Variants in NOL4 observed in about 807,000 individuals in gnomAD.
NOL4 encodes nucleolar protein 4.
A neutral mutation model predicts 75.9 loss-of-function variants in NOL4; 17 were observed. The observed-to-expected ratio is 0.22, with a 90% CI of 0.15 to 0.34. The LOEUF is 0.34. NOL4 is among the 10% of genes least tolerant of loss of function. The pLI is 1.00. For synonymous variants in NOL4, 292 were observed against 289.9 expected (o/e 1.01, Z -0.07); for missense variants, 614 against 793.5 (o/e 0.77, Z 2.72).
chr18:34,223,480 A>G lies in NOL4; in HGVS notation c.-227T>C. 1 of 599,022 alleles carries G rather than the reference A, an allele frequency of 1.7e-6. No individual in the cohort carries two copies. The highest frequency in any genetic ancestry group is 2.9e-6 in the Non-Finnish European group (1 of 343,764). 37.1% of individuals were successfully genotyped at this position (599,022 alleles called of 1,614,324 possible). On this transcript the variant is annotated 5_prime_UTR_variant, in exon 1 of 11. Coordinates refer to ENST00000261592, the MANE Select transcript of NOL4 (RefSeq NM_003787.5). Reference sequence around the variant, plus strand: ...CAAGTCTGGTCCATTCGTAATTGCAACGGCTGTCTCGGACGTTTTTCCTGT... The same window carrying G: ...CAAGTCTGGTCCATTCGTAATTGCAGCGGCTGTCTCGGACGTTTTTCCTGT...
chr18:34,170,483 C>T (rs1403138441), intron 1 of NOL4, among the ~76,000 whole-genome samples: 3 of 152,220 alleles, frequency 2.0e-5, no homozygotes, highest in Admixed American at 6.5e-5. Context: ...TGAGCCACCA[C>T]GCCCGGATGA....
At chr18:34,167,929 T>C (rs1036063010) in intron 1 of NOL4, among the ~76,000 whole-genome samples, 1 of 152,108 alleles carries the variant, frequency 6.6e-6, no homozygotes, top group Non-Finnish European at 1.5e-5. Context: ...CATCCATTTT[T>C]CAGTGCACTA....
intron 10 of NOL4, among the ~76,000 whole-genome samples, chr18:33,872,218 T>C (rs1441087347): frequency 1.3e-5 from 2 of 152,002 alleles, no homozygotes; most frequent in African/African-American, 4.8e-5. Flanking sequence ...CCTTAAACAT[T>C]ACACAGTTTC....
At chr18:34,110,816 T>C (rs2079551238) in intron 2 of NOL4, among the ~76,000 whole-genome samples, 1 of 151,988 alleles carries the variant, frequency 6.6e-6, no homozygotes, top group African/African-American at 2.4e-5. Flanking sequence ...TTAGAACTTA[T>C]AAACAAATCC....
At chr18:34,158,061 T>TAGTA (rs1600748299) in intron 1 of NOL4, among the ~76,000 whole-genome samples, 1 of 152,086 alleles carries the variant, frequency 6.6e-6, no homozygotes, top group Non-Finnish European at 1.5e-5. Context: ...TCTAAAGAGG[T>TAGTA]AGTATCAAAG....
chr18:34,149,286 G>A (rs2081543320), intron 1 of NOL4, among the ~76,000 whole-genome samples: 1 of 151,614 alleles, frequency 6.6e-6, no homozygotes, highest in African/African-American at 2.4e-5. Context: ...TGTAATACAT[G>A]AGTATATTGG....
intron 10 of NOL4, among the ~76,000 whole-genome samples, chr18:33,869,135 GATA>G (rs2063573607): frequency 6.6e-6 from 1 of 151,644 alleles, no homozygotes; most frequent in African/African-American, 2.4e-5. Flanking sequence ...ACTGTAAGTA[GATA>G]ATAATTATAA....
intron 2 of NOL4, among the ~76,000 whole-genome samples, chr18:34,108,324 G>A (rs555757179): frequency 1.3e-5 from 2 of 152,060 alleles, no homozygotes; most frequent in Non-Finnish European, 2.9e-5. Flanking sequence ...TTAGTAAAAT[G>A]GCAGTAGTAA....
At chr18:34,216,634 T>A (rs114936034) in intron 1 of NOL4, among the ~76,000 whole-genome samples, 1 of 145,472 alleles carries the variant, frequency 6.9e-6, no homozygotes, top group Non-Finnish European at 1.5e-5. Flanking sequence ...TAAATTATAA[T>A]ATATAATAAG....
At chr18:33,894,791 G>A (rs2065298931) in intron 9 of NOL4, among the ~76,000 whole-genome samples, 1 of 152,102 alleles carries the variant, frequency 6.6e-6, no homozygotes, top group South Asian at 2.1e-4. Context: ...GAGAAGTAGA[G>A]AGTAGAATTA....
At chr18:33,924,951 G>A (rs1052360590) in intron 9 of NOL4, among the ~76,000 whole-genome samples, 2 of 152,140 alleles carry the variant, frequency 1.3e-5, no homozygotes, top group African/African-American at 4.8e-5. Flanking sequence ...TAGGACAGCT[G>A]TGCCACTCTC....
At position 33,852,414 on chromosome 18, in the gene NOL4, A is replaced by C. The variant is rs2062663236; in HGVS notation, c.*428T>G. 6.6e-6 allele frequency: 1 copy of C among 152,426 alleles called. No individual in the cohort carries two copies. Among genetic ancestry groups the C allele is most frequent in the Admixed American group, 6.6e-5 (1 of 15,116 alleles). The allele number at this position is 152,426 out of a possible 1,614,324, so 9.4% of individuals were successfully genotyped here. ...ATTGTTGTTATATCCTGTAGCAACA[A>C]GAAATTTGGCTTTTTTTTTTCTTTT... is the stretch of plus-strand genomic sequence containing the variant. On this transcript the variant is annotated 3_prime_UTR_variant, in exon 11 of 11. Transcript: ENST00000261592.
rs34600933 is a variant in NOL4, at chr18:34,224,698, GT to G, written c.-1446del. ...AAATCCCGGAAAGGGAAAGCGGGAT[GT>G]TTGCGCCCACCGCGCTGTAGCTGGT... On this transcript the variant is annotated 5_prime_UTR_variant, in exon 1 of 11. Coordinates refer to ENST00000261592, the MANE Select transcript of NOL4 (RefSeq NM_003787.5). The G allele has an allele frequency of 1.3e-5, 2 of 152,344 alleles. No homozygotes were observed. The highest frequency in any genetic ancestry group is 4.8e-5 in the African/African-American group (2 of 41,458). The allele number at this position is 152,344 out of a possible 1,614,324, so 9.4% of individuals were successfully genotyped here.
intron 9 of NOL4, among the ~76,000 whole-genome samples, chr18:33,929,509 T>A (rs966951312): frequency 1.3e-5 from 2 of 152,196 alleles, no homozygotes; most frequent in Non-Finnish European, 2.9e-5. Context: ...TTTAACAGAA[T>A]GTGAGTTGAT....
intron 2 of NOL4, among the ~76,000 whole-genome samples, chr18:34,114,000 G>A (rs1217416258): frequency 2.0e-5 from 3 of 152,062 alleles, no homozygotes; most frequent in Non-Finnish European, 4.4e-5. Context: ...TATCTTTCTC[G>A]CAATATGTAA....
chr18:34,036,749 C>A (rs1411600096), intron 5 of NOL4, among the ~76,000 whole-genome samples: 1 of 152,106 alleles, frequency 6.6e-6, no homozygotes, highest in East Asian at 1.9e-4. Flanking sequence ...TATGGTGAAT[C>A]CCCGTCTCTA....
chr18:34,046,750 C>A (rs971985513), intron 5 of NOL4, among the ~76,000 whole-genome samples: 6 of 150,794 alleles, frequency 4.0e-5, no homozygotes, highest in Non-Finnish European at 7.4e-5. Context: ...TCTGCAGTGA[C>A]CCTCTAAGTT....
At chr18:34,134,008 G>A (rs1337958891) in intron 1 of NOL4, among the ~76,000 whole-genome samples, 1 of 152,106 alleles carries the variant, frequency 6.6e-6, no homozygotes, top group Non-Finnish European at 1.5e-5. Context: ...GAGCCACAGA[G>A]TGAGACTTCG....
At chr18:34,128,352 G>A (rs2145891530) in intron 2 of NOL4, among the ~76,000 whole-genome samples, 1 of 151,944 alleles carries the variant, frequency 6.6e-6, no homozygotes. Flanking sequence ...TGCATCCCTA[G>A]CAAAGTCCTT....
Sources: gnomAD v4.1 joint callset for allele counts (sites outside exome capture counted in the v4.1 genomes callset) on GRCh38, gnomAD v4.1.1 for gene constraint, MANE v1.5 for transcripts, NCBI Gene and HGNC (gene_info 2026-07-23, HGNC 2026-07-21) for gene names.